The following SLC16A2 variants were observed in gnomAD, a reference collection of about 807,000 sequenced individuals.
SLC16A2 encodes solute carrier family 16 member 2.
Under a neutral mutation model 27.2 loss-of-function variants are expected in SLC16A2, and 3 were observed. The ratio of observed to expected loss-of-function variants is 0.11; its 90% CI spans 0.05 to 0.28. The LOEUF (loss-of-function observed/expected upper bound fraction) is 0.28. Among genes scored for constraint, SLC16A2 ranks in the 10% least tolerant of loss-of-function variants. The pLI is 1.00. For synonymous variants in SLC16A2, 202 were observed against 187.8 expected, an observed-to-expected ratio of 1.08 and a Z score of -0.62; for missense variants, 295 against 458.5, an observed-to-expected ratio of 0.64 and a Z score of 3.26.
intron 1 of SLC16A2, among the ~76,000 whole-genome samples, chrX:74,425,456 G>A (rs1311640386): frequency 9.0e-6 from 1 of 110,968 alleles, no homozygotes; most frequent in Non-Finnish European, 1.9e-5. Context: ...AAGATCAGGA[G>A]GGAAATGAGC....
intron 1 of SLC16A2, among the ~76,000 whole-genome samples, chrX:74,447,931 A>G (rs938953551): frequency 9.9e-5 from 11 of 111,077 alleles, no homozygotes; most frequent in Non-Finnish European, 1.9e-4. Flanking sequence ...GGTTGCAGTG[A>G]GCTGAGATCC....
At chrX:74,427,280 A>T (rs905192000) in intron 1 of SLC16A2, among the ~76,000 whole-genome samples, 1 of 111,609 alleles carries the variant, frequency 9.0e-6, no homozygotes, top group Admixed American at 9.6e-5. Flanking sequence ...GAGGTCTTCA[A>T]ACAGGGCGTT....
chrX:74,432,646 C>T (rs1602104599), intron 1 of SLC16A2, among the ~76,000 whole-genome samples: 1 of 111,920 alleles, frequency 8.9e-6, no homozygotes, highest in East Asian at 2.8e-4. Flanking sequence ...CTTACTCCCT[C>T]TGGTTCCCAT....
At chrX:74,459,288 C>T (rs1316650361) in intron 1 of SLC16A2, among the ~76,000 whole-genome samples, 1 of 7,889 alleles carries the variant, frequency 1.3e-4, no homozygotes, top group Non-Finnish European at 3.1e-4. Context: ...AGAAGGTGAG[C>T]GGTATCCTGG....
At chrX:74,501,682 G>C (rs749931777) in intron 1 of SLC16A2, among the ~76,000 whole-genome samples, 1 of 111,236 alleles carries the variant, frequency 9.0e-6, no homozygotes, top group South Asian at 3.9e-4. Flanking sequence ...AGTGCGTCTG[G>C]GGTATTCCAT....
intron 1 of SLC16A2, among the ~76,000 whole-genome samples, chrX:74,471,722 G>A (rs1014690273): frequency 9.0e-6 from 1 of 111,198 alleles, no homozygotes; most frequent in African/African-American, 3.3e-5. Context: ...GTACATTTAT[G>A]TTCTTGTGCA....
rs5981272 is a variant in SLC16A2 at position 74,449,720 on chromosome X, C to T, written c.430+27653C>T. Among the ~76,000 whole-genome samples the T allele has an allele frequency of 6.2e-3, 698 of 111,932 alleles. 6 individuals carry two copies. Among genetic ancestry groups the T allele is most frequent in the African/African-American group, 0.022 (673 of 30,771 alleles). ...CTCAGTGCATTGACTCCTTTAGCCA[C>T]ACACCCCTCTAAGTAGGTTACCTGC... On this transcript the variant is annotated intron_variant, in intron 1 of 5. Coordinates refer to ENST00000587091, the MANE Select transcript of SLC16A2 (RefSeq NM_006517.5).
intron 1 of SLC16A2, among the ~76,000 whole-genome samples, chrX:74,494,143 G>A (rs1184713223): frequency 1.8e-5 from 2 of 112,358 alleles, no homozygotes; most frequent in African/African-American, 6.5e-5. Flanking sequence ...TACTGCTGGT[G>A]CTCACACTTT....
At chrX:74,476,432 G>A (rs1165267839) in intron 1 of SLC16A2, among the ~76,000 whole-genome samples, 2 of 112,013 alleles carry the variant, frequency 1.8e-5, no homozygotes, top group African/African-American at 3.2e-5. Flanking sequence ...AACAGGGACA[G>A]TTTGACTTCC....
At chrX:74,451,838 C>CT (rs1477516704) in intron 1 of SLC16A2, among the ~76,000 whole-genome samples, 1 of 112,901 alleles carries the variant, frequency 8.9e-6, no homozygotes, top group Non-Finnish European at 1.9e-5. Context: ...TGATCAGATG[C>CT]TTTTGGCATA....
chrX:74,481,314 C>A (rs1167020444), intron 1 of SLC16A2, among the ~76,000 whole-genome samples: 1 of 111,725 alleles, frequency 9.0e-6, no homozygotes, highest in Admixed American at 9.5e-5. Flanking sequence ...GTAAAATTCA[C>A]CAGTGAAGAC....
At chrX:74,429,176 G>C (rs1005824952) in intron 1 of SLC16A2, among the ~76,000 whole-genome samples, 1 of 110,870 alleles carries the variant, frequency 9.0e-6, no homozygotes, top group Non-Finnish European at 1.9e-5. Flanking sequence ...GAAAGAAAAA[G>C]AAAAAAATAG....
At chrX:74,507,848 G>A (rs140885485) in intron 1 of SLC16A2, among the ~76,000 whole-genome samples, 1,573 of 111,853 alleles carry the variant, frequency 0.014, 15 homozygotes, top group Non-Finnish European at 0.019. Context: ...TGGCCAAATG[G>A]TATTCCCTTG....
At chrX:74,470,569 T>C (rs774583575) in intron 1 of SLC16A2, among the ~76,000 whole-genome samples, 1 of 112,149 alleles carries the variant, frequency 8.9e-6, no homozygotes. Context: ...CCTCATGACA[T>C]ATGATATTGA....
At chrX:74,514,263 A>T (rs1301101666) in intron 1 of SLC16A2, among the ~76,000 whole-genome samples, 5 of 97,362 alleles carry the variant, frequency 5.1e-5, no homozygotes, top group Non-Finnish European at 8.2e-5. Context: ...GAAGCAGACC[A>T]AAAAAAAAAA....
At chrX:74,479,767 T>C (rs1483369371) in intron 1 of SLC16A2, among the ~76,000 whole-genome samples, 2 of 112,018 alleles carry the variant, frequency 1.8e-5, no homozygotes, top group Admixed American at 1.9e-4. Context: ...CCTGTTTGCC[T>C]GGGTATCAGC....
At chrX:74,468,796 A>T (rs1457646079) in intron 1 of SLC16A2, among the ~76,000 whole-genome samples, 1 of 112,172 alleles carries the variant, frequency 8.9e-6, no homozygotes, top group Non-Finnish European at 1.9e-5. Context: ...GATATCCATC[A>T]CCTTAAACAT....
chrX:74,489,124 T>G (rs1031337889), intron 1 of SLC16A2, among the ~76,000 whole-genome samples: 5 of 112,019 alleles, frequency 4.5e-5, no homozygotes, highest in African/African-American at 1.3e-4. Flanking sequence ...TTAAGTTACT[T>G]CCCGGTTAAC....
At chrX:74,469,332 A>G (rs1223734709) in intron 1 of SLC16A2, among the ~76,000 whole-genome samples, 4 of 111,720 alleles carry the variant, frequency 3.6e-5, no homozygotes, top group African/African-American at 1.3e-4. Flanking sequence ...TCTTTTGGAT[A>G]TATACCCAGC....
Sources: allele counts gnomAD v4.1 joint callset (sites outside exome capture counted in the v4.1 genomes callset), GRCh38; gene constraint gnomAD v4.1.1; transcripts MANE v1.5; gene names NCBI Gene and HGNC (gene_info 2026-07-23, HGNC 2026-07-21).